Variants in NSMAF observed in about 807,000 individuals in gnomAD.
NSMAF encodes neutral sphingomyelinase activation associated factor, also known as protein FAN.
A neutral mutation model predicts 134.9 loss-of-function variants in NSMAF; 90 were observed. The observed-to-expected ratio is 0.67, with a 90% confidence interval of 0.56 to 0.79. The LOEUF is 0.79. Among genes scored for constraint, NSMAF ranks in the 30% least tolerant of loss-of-function variants. The probability of loss-of-function intolerance (pLI) is 0.00; values close to 1 mark genes in which losing one functional copy is unlikely to be tolerated. For synonymous variants in NSMAF, 358 were observed against 389.6 expected (o/e 0.92, Z 0.96); for missense variants, 1,010 against 1,119.0 (o/e 0.90, Z 1.39).
Position 58,585,780 on chromosome 8 carries a change from A to T in NSMAF, c.2550-19T>A. 1 of 1,608,438 alleles carries T rather than the reference A, an allele frequency of 6.2e-7. No homozygotes were observed. The highest frequency in any genetic ancestry group is 8.5e-7 in the Non-Finnish European group (1 of 1,174,760). On this transcript the variant is annotated intron_variant, in intron 29 of 30. Transcript: ENST00000038176. ...AAAGCACCTGCAAGAATGATTTAGA[A>T]ATAGTCCTTTCTTCATCATGAAGGA... is the stretch of plus-strand genomic sequence containing the variant.
intron 12 of NSMAF, 45 bp from the exon 13 acceptor site, chr8:58,603,431 C>G (rs1235420222): frequency 1.3e-6 from 2 of 1,596,466 alleles, no homozygotes; most frequent in East Asian, 2.2e-5. Context: ...ACTTCGCAAA[C>G]TTAGTATGCA....
rs562622979 is a variant in NSMAF, at chr8:58,588,286, T to C, written c.2212-585A>G. ...AATGAGCATTCAGATATTTTCAGTTTAAATAAAATGTGTCTTTTAATGATT... is the reference window on the plus strand; with the variant it reads ...AATGAGCATTCAGATATTTTCAGTTCAAATAAAATGTGTCTTTTAATGATT... On this transcript the variant is annotated intron_variant, in intron 26 of 30. Transcript: ENST00000038176. 83 of 657,492 alleles carry C rather than the reference T, an allele frequency of 1.3e-4. 1 individual carries two copies. Among genetic ancestry groups the C allele is most frequent in the Non-Finnish European group, 1.6e-4 (60 of 372,682 alleles). The allele number at this position is 657,492 out of a possible 1,614,324, so 40.7% of individuals were successfully genotyped here.
chr8:58,614,550 T>C (rs933111802), intron 9 of NSMAF, among the ~76,000 whole-genome samples: 1 of 152,228 alleles, frequency 6.6e-6, no homozygotes, highest in Admixed American at 6.5e-5. Flanking sequence ...TCCTGAGTTA[T>C]GAACCTGTTA....
Position 58,651,852 on chromosome 8 carries a change from A to G in NSMAF, c.59+7721T>C, listed in dbSNP as rs909560777. Among the ~76,000 whole-genome samples the G allele has an allele frequency of 1.2e-4, 18 of 152,242 alleles. 1 individual carries two copies. In the South Asian group the frequency reaches 3.3e-3, roughly 28 times the overall value. On this transcript the variant is annotated intron_variant, in intron 1 of 30. Transcript: ENST00000038176. ...AGCAGCTTCAGGGTGAGGCCTGAGA[A>G]TGTGCATTTCTAACAAGCTCCAGGC...
chr8:58,649,156 G>A (rs1054806547), intron 1 of NSMAF, among the ~76,000 whole-genome samples: 1 of 152,238 alleles, frequency 6.6e-6, no homozygotes, highest in Non-Finnish European at 1.5e-5. Context: ...CTGGCCCTGG[G>A]TGTGGGACAA....
chr8:58,599,992 T>C lies in NSMAF; in HGVS notation c.1310A>G (p.Asp437Gly). ...TACCTCTTTAAAATCCGTTGCACCATCCAGACAGTTTTTCCAAGTTTCTGC... is the reference window on the plus strand; with the variant it reads ...TACCTCTTTAAAATCCGTTGCACCACCCAGACAGTTTTTCCAAGTTTCTGC... ...SIAETWKNCLDGATDFKELIP... is the reference protein window; with the variant it reads ...SIAETWKNCLGGATDFKELIP... Residue 437 changes from aspartate to glycine, a missense_variant, in exon 17 of 31, where the codon GAT becomes GGT. Physicochemically the swap from Asp to Gly is moderately conservative, Grantham distance 94 (BLOSUM62 -1). Coordinates refer to ENST00000038176, the MANE Select transcript of NSMAF (RefSeq NM_003580.4). 1.9e-6 allele frequency: 3 copies of C among 1,613,978 alleles called. No individual in the cohort carries two copies. The highest frequency in any genetic ancestry group is 1.3e-5 in the African/African-American group (1 of 75,022).
At chr8:58,623,346 A>G (rs1806835393) in intron 8 of NSMAF, 31 bp downstream of exon 8, 14 of 1,611,680 alleles carry the variant, frequency 8.7e-6, no homozygotes, top group Non-Finnish European at 1.2e-5. Flanking sequence ...TTAATTGACA[A>G]TCAAAGACAG....
At chr8:58,637,074 G>A (rs920868842) in intron 2 of NSMAF, among the ~76,000 whole-genome samples, 28 of 151,690 alleles carry the variant, frequency 1.8e-4, no homozygotes, top group South Asian at 2.1e-4. Flanking sequence ...ATAAAATTAC[G>A]TACTCATGAA....
intron 23 of NSMAF, among the ~76,000 whole-genome samples, chr8:58,591,972 C>T (rs1210797570): frequency 6.6e-6 from 1 of 152,178 alleles, no homozygotes; most frequent in African/African-American, 2.4e-5. Flanking sequence ...GCAACCCCAA[C>T]ACACAGAATT....
At chr8:58,654,940 T>G (rs1807668626) in intron 1 of NSMAF, among the ~76,000 whole-genome samples, 1 of 152,172 alleles carries the variant, frequency 6.6e-6, no homozygotes, top group Admixed American at 6.5e-5. Context: ...GTTCAAGCGA[T>G]TCTCTTGTCT....
At chr8:58,600,710 C>A (rs1230987777) in intron 16 of NSMAF, among the ~76,000 whole-genome samples, 1 of 147,076 alleles carries the variant, frequency 6.8e-6, no homozygotes, top group Non-Finnish European at 1.5e-5. Context: ...GTGTAGAGTT[C>A]AAAAAAAATG....
Position 58,600,003 on chromosome 8 carries a change from T to C in NSMAF, c.1299A>G (p.Lys433=), listed in dbSNP as rs201791358. The C allele has an allele frequency of 1.2e-6, 2 of 1,613,894 alleles. No individual in the cohort carries two copies. The highest frequency in any genetic ancestry group is 8.5e-7 in the Non-Finnish European group (1 of 1,179,896). ...RMFNSIAETW[K]NCLDGATDFK... ...AATCCGTTGCACCATCCAGACAGTT[T>C]TTCCAAGTTTCTGCAATACTACATA... The change falls in exon 17 of 31, where the codon AAA becomes AAG. Residue 433 remains lysine (K), a synonymous_variant. Transcript: ENST00000038176.
chr8:58,628,980 T>C (rs1004913721), intron 6 of NSMAF, among the ~76,000 whole-genome samples: 1 of 152,202 alleles, frequency 6.6e-6, no homozygotes, highest in Non-Finnish European at 1.5e-5. Context: ...AATTAACTCT[T>C]ACTTCTGATA....
chr8:58,607,917 G>GAA, intron 10 of NSMAF, 77 bp from the exon 11 acceptor site: 3 of 1,152,790 alleles, frequency 2.6e-6, no homozygotes, highest in Non-Finnish European at 1.3e-6. Context: ...TCAGAAAGGG[G>GAA]AAAAAAAAAT....
intron 6 of NSMAF, among the ~76,000 whole-genome samples, chr8:58,624,922 T>C (rs1235932910): frequency 6.6e-6 from 1 of 152,196 alleles, no homozygotes; most frequent in Non-Finnish European, 1.5e-5. Flanking sequence ...TATTTAGATG[T>C]TCTGAGGTTG....
intron 8 of NSMAF, 46 bp from the exon 9 acceptor site, chr8:58,623,318 G>T: frequency 6.3e-7 from 1 of 1,591,732 alleles, no homozygotes; most frequent in Non-Finnish European, 8.6e-7. Flanking sequence ...GTATTTATAA[G>T]TAAAATATCA....
intron 9 of NSMAF, among the ~76,000 whole-genome samples, chr8:58,614,441 C>T (rs540279506): frequency 3.1e-4 from 47 of 152,330 alleles, no homozygotes; most frequent in African/African-American, 1.0e-3. Context: ...GCCTGAGTTA[C>T]GGCCACCTGG....
chr8:58,640,797 A>T (rs1807317272), intron 2 of NSMAF, among the ~76,000 whole-genome samples: 1 of 152,166 alleles, frequency 6.6e-6, no homozygotes, highest in Non-Finnish European at 1.5e-5. Context: ...CCTGGCCACA[A>T]GAGATCGTAC....
chr8:58,597,928 T>C (rs774612548), intron 19 of NSMAF, 26 bp from the exon 20 acceptor site: 3 of 1,543,520 alleles, frequency 1.9e-6, no homozygotes, highest in Non-Finnish European at 9.0e-7. Flanking sequence ...AAAACACTAT[T>C]GAAAGATGTG....
Sources: gnomAD v4.1 joint callset for allele counts (sites outside exome capture counted in the v4.1 genomes callset) on GRCh38, gnomAD v4.1.1 for gene constraint, MANE v1.5 for transcripts, NCBI Gene and HGNC (gene_info 2026-07-23, HGNC 2026-07-21) for gene names.